The following RABGEF1 variants were observed in gnomAD, a reference collection of about 807,000 sequenced individuals.
The protein encoded by RABGEF1 is rab5 GDP/GTP exchange factor.
Under a neutral mutation model 57.3 loss-of-function variants are expected in RABGEF1, and 26 were observed. The observed-to-expected ratio is 0.45, with a 90% CI of 0.33 to 0.63. The LOEUF (loss-of-function observed/expected upper bound fraction) is 0.63, where lower values mean the gene tolerates loss of function less well. Ranked by LOEUF, RABGEF1 falls within the 20% of genes least tolerant of loss-of-function variation. RABGEF1 has a pLI of 0.02. For missense variants in RABGEF1, 464 were observed against 607.6 expected (o/e 0.76, Z 2.48); for synonymous variants, 185 against 210.7 (o/e 0.88, Z 1.06).
intron 4 of RABGEF1, among the ~76,000 whole-genome samples, chr7:66,784,911 A>G (rs1810806274): frequency 2.0e-5 from 3 of 152,086 alleles, no homozygotes. Flanking sequence ...AACAATTCAG[A>G]GTTCATATGA....
intron 1 of RABGEF1, among the ~76,000 whole-genome samples, chr7:66,744,221 C>T (rs146942822): frequency 2.3e-4 from 35 of 151,624 alleles, no homozygotes; most frequent in African/African-American, 7.0e-4. Context: ...TTACTGCTAT[C>T]TTGTATTTTA....
chr7:66,774,412 A>G (rs1172010649), intron 2 of RABGEF1, among the ~76,000 whole-genome samples: 1 of 152,180 alleles, frequency 6.6e-6, no homozygotes, highest in Non-Finnish European at 1.5e-5. Context: ...TCCCTACCAC[A>G]TGATGAAATC....
At chr7:66,663,000 TG>T in the RABGEF1 span, among the ~76,000 whole-genome samples, 1 of 152,222 alleles carries the variant, frequency 6.6e-6, no homozygotes, top group South Asian at 2.1e-4. Flanking sequence ...ACGCCCAAGC[TG>T]GAAAGTTGTG....
At chr7:66,751,702 G>A (rs925752943) in intron 1 of RABGEF1, among the ~76,000 whole-genome samples, 4 of 152,150 alleles carry the variant, frequency 2.6e-5, no homozygotes, top group African/African-American at 4.8e-5. Context: ...GTCCCTCCCC[G>A]ACAGAGGTTT....
intron 1 of RABGEF1, among the ~76,000 whole-genome samples, chr7:66,759,838 A>C (rs1219226890): frequency 1.3e-5 from 2 of 152,348 alleles, no homozygotes; most frequent in East Asian, 3.9e-4. Context: ...ACAATTCAGC[A>C]TGACATTTGG....
intron 3 of RABGEF1, among the ~76,000 whole-genome samples, chr7:66,782,354 T>C (rs1456923427): frequency 1.3e-5 from 2 of 152,164 alleles, no homozygotes; most frequent in African/African-American, 4.8e-5. Flanking sequence ...CAACTTTTGT[T>C]ACTAGTTTCT....
At chr7:66,695,457 G>T (rs1415247675) in intron 1 of RABGEF1, among the ~76,000 whole-genome samples, 1 of 152,220 alleles carries the variant, frequency 6.6e-6, no homozygotes, top group African/African-American at 2.4e-5. Context: ...GACGCAAGAG[G>T]TTCCACAGTG....
upstream of RABGEF1, among the ~76,000 whole-genome samples, chr7:66,680,149 C>A (rs1197621597): frequency 6.6e-6 from 1 of 152,142 alleles, no homozygotes; most frequent in Non-Finnish European, 1.5e-5. Flanking sequence ...ATATTATTGT[C>A]TTTTGGTAAT....
chr7:66,657,623 C>G, the RABGEF1 span, among the ~76,000 whole-genome samples: 3 of 152,156 alleles, frequency 2.0e-5, no homozygotes, highest in Non-Finnish European at 2.9e-5. Context: ...GAGTTCAAGA[C>G]CAGTCTAACC....
chr7:66,782,375 T>C (rs981652243), intron 3 of RABGEF1, among the ~76,000 whole-genome samples: 1 of 152,180 alleles, frequency 6.6e-6, no homozygotes, highest in Non-Finnish European at 1.5e-5. Flanking sequence ...TGTGTATCCT[T>C]TTGTGCTTTT....
At chr7:66,797,021 C>T (rs761977413) in intron 5 of RABGEF1, 6 of 369,430 alleles carry the variant, frequency 1.6e-5, no homozygotes, top group East Asian at 8.4e-5. Context: ...TACTCTTGGC[C>T]GGGCATTCTG....
Position 66,696,708 on chromosome 7 carries a change from A to G in RABGEF1, c.-873+14450A>G, listed in dbSNP as rs867777941. ...CCGTCTCAAAAAAAAAAAAAAAAAA[A>G]AAAAGAAAAATGGAGCGTGGTCATG... On this transcript the variant is annotated intron_variant and NMD_transcript_variant, in intron 1 of 9. Coordinates refer to the RABGEF1 transcript ENST00000607882. Among the ~76,000 whole-genome samples the G allele has an allele frequency of 4.7e-3, 674 of 144,708 alleles. 7 individuals are homozygous for G. The highest frequency in any genetic ancestry group is 9.3e-3 in the African/African-American group (375 of 40,222). The allele number at this position is 144,708 out of a possible 152,430, so 94.9% of individuals were successfully genotyped here. A position where few individuals can be genotyped will look rare whatever the true frequency, so the allele number is the denominator to read the frequency against.
chr7:66,809,111 G>GA lies in RABGEF1; in HGVS notation c.1308dup (p.Asp437ArgfsTer18). 1 of 1,614,130 alleles carries GA rather than the reference G, an allele frequency of 6.2e-7. No individual in the cohort carries two copies. Among genetic ancestry groups the GA allele is most frequent in the Non-Finnish European group, 8.5e-7 (1 of 1,180,022 alleles). ...GATCATGAATGAAGCCAAGAAACTGGAAAAAGACCTCATAGATTGGACAGA... is the reference window on the plus strand; with the variant it reads ...GATCATGAATGAAGCCAAGAAACTGGAAAAAAGACCTCATAGATTGGACAGA... On this transcript the variant is annotated frameshift_variant, in exon 9 of 9. Coordinates refer to ENST00000284957, the MANE Select transcript of RABGEF1 (RefSeq NM_014504.3). LOFTEE classifies it high-confidence loss of function.
At chr7:66,672,590 A>G in the RABGEF1 span, among the ~76,000 whole-genome samples, 1 of 152,216 alleles carries the variant, frequency 6.6e-6, no homozygotes, top group Non-Finnish European at 1.5e-5. Flanking sequence ...AGGATTATAT[A>G]AAGAGCCTTG....
Position 66,696,871 on chromosome 7 carries a change from A to G in RABGEF1, c.-873+14613A>G, listed in dbSNP as rs1376717473. 2.0e-5 allele frequency among the ~76,000 whole-genome samples: 3 copies of G among 152,144 alleles called. No individual in the cohort carries two copies. In the East Asian group the frequency reaches 5.8e-4, roughly 29 times the overall value. ...AAGCAAGTTATTGGGCACAGATGACAGGAGCAGGCCCAGACATGGTGCAGG... is the reference window on the plus strand; with the variant it reads ...AAGCAAGTTATTGGGCACAGATGACGGGAGCAGGCCCAGACATGGTGCAGG... On this transcript the variant is annotated intron_variant and NMD_transcript_variant, in intron 1 of 9. Coordinates refer to the RABGEF1 transcript ENST00000607882.
intron 2 of RABGEF1, among the ~76,000 whole-genome samples, chr7:66,728,096 C>A (rs1796798794): frequency 6.6e-6 from 1 of 152,200 alleles, no homozygotes; most frequent in African/African-American, 2.4e-5. Context: ...TCACCCCCAG[C>A]AGCTCAGGGC....
intron 2 of RABGEF1, among the ~76,000 whole-genome samples, chr7:66,715,989 T>G (rs563877022): frequency 3.9e-5 from 6 of 152,220 alleles, no homozygotes; most frequent in Non-Finnish European, 8.8e-5. Flanking sequence ...TGATTGTGTT[T>G]AGTTCCATAT....
intron 1 of RABGEF1, among the ~76,000 whole-genome samples, chr7:66,686,714 A>G (rs1790690413): frequency 6.6e-6 from 1 of 152,156 alleles, no homozygotes; most frequent in African/African-American, 2.4e-5. Context: ...GGAAAACATT[A>G]TAGTTTTTGG....
intron 1 of RABGEF1, among the ~76,000 whole-genome samples, chr7:66,748,398 C>T (rs1202594513): frequency 3.9e-5 from 6 of 152,184 alleles, no homozygotes. Flanking sequence ...ATGAATTTAT[C>T]AGCAGTGGGG....
Sources: gnomAD v4.1 joint callset for allele counts (sites outside exome capture counted in the v4.1 genomes callset) on GRCh38, gnomAD v4.1.1 for gene constraint, MANE v1.5 for transcripts, NCBI Gene and HGNC (gene_info 2026-07-23, HGNC 2026-07-21) for gene names.